The following THSD7B variants were observed in gnomAD, a reference collection of about 807,000 sequenced individuals.
The protein encoded by THSD7B is thrombospondin type 1 domain containing 7B.
In THSD7B, 138 loss-of-function variants were observed where a neutral mutation model predicts 213.6. That is an observed-to-expected ratio of 0.65 (90% CI 0.56 to 0.74). THSD7B has a LOEUF of 0.74. Among genes scored for constraint, THSD7B ranks in the 30% least tolerant of loss-of-function variants. The pLI, the probability that THSD7B is intolerant of heterozygous loss-of-function variation, is 0.00. For synonymous variants in THSD7B, 742 were observed against 687.0 expected, an observed-to-expected ratio of 1.08 and a Z score of -1.25; for missense variants, 1,931 against 1,991.5, an observed-to-expected ratio of 0.97 and a Z score of 0.58.
intron 15 of THSD7B, among the ~76,000 whole-genome samples, chr2:137,493,448 G>C (rs530931582): frequency 1.3e-5 from 2 of 152,312 alleles, no homozygotes; most frequent in South Asian, 4.1e-4. Context: ...GCTGTCTTCT[G>C]TTGTCCTAAG....
At chr2:137,375,206 TC>T (rs1426962099) in intron 12 of THSD7B, among the ~76,000 whole-genome samples, 1 of 152,092 alleles carries the variant, frequency 6.6e-6, no homozygotes, top group African/African-American at 2.4e-5. Context: ...TAAGTCAAGT[TC>T]CTGACTTAAA....
Position 137,620,677 on chromosome 2 carries a change from C to T in THSD7B, c.3750C>T (p.Leu1250=), listed in dbSNP as rs562070142. The change falls in exon 20 of 28, where the codon CTC becomes CTT. Residue 1250 remains leucine (L), a synonymous_variant. Coordinates refer to ENST00000409968, the MANE Select transcript of THSD7B (RefSeq NM_001316349.2). ...TGGAATGCGTGGTCAACTGTCAGCT[C>T]TCAGGGTGGACGGCTTGGACAGAGT... ...CLVECVVNCQ[L]SGWTAWTECS... is the part of the protein sequence containing the mutation. 42 of 1,613,984 alleles carry T rather than the reference C, an allele frequency of 2.6e-5. 1 individual carries two copies. In the South Asian group the frequency reaches 4.4e-4, roughly 17 times the overall value.
At position 137,354,281 on chromosome 2, in the gene THSD7B, CAG is replaced by C. The variant is rs1240287961; in HGVS notation, c.2501-51330_2501-51329del. Among the ~76,000 whole-genome samples, 9 of 85,916 alleles carry C rather than the reference CAG, an allele frequency of 1.0e-4. No homozygotes were observed. The Admixed American group carries it at 1.1e-3, about 11-fold the overall frequency. 56.4% of individuals were successfully genotyped at this position (85,916 alleles called of 152,430 possible). Reference sequence around the variant, plus strand: ...AATGCACAGATATGATTAATGCAGTCAGAAAAAAAACCTCTTTACTCCAGAAA... The same window carrying C: ...AATGCACAGATATGATTAATGCAGTCAAAAAAAACCTCTTTACTCCAGAAA... On this transcript the variant is annotated intron_variant, in intron 12 of 27. Coordinates refer to ENST00000409968, the MANE Select transcript of THSD7B (RefSeq NM_001316349.2).
chr2:137,357,293 T>C (rs1685154767), intron 12 of THSD7B, among the ~76,000 whole-genome samples: 1 of 152,152 alleles, frequency 6.6e-6, no homozygotes, highest in South Asian at 2.1e-4. Flanking sequence ...TCGAAACAGC[T>C]AAGCATACTC....
chr2:137,369,312 A>G (rs2889099), intron 12 of THSD7B, among the ~76,000 whole-genome samples: 30 of 151,886 alleles, frequency 2.0e-4, no homozygotes, highest in Non-Finnish European at 3.7e-4. Flanking sequence ...TGAGTTTGTT[A>G]ATTGCTGTCA....
chr2:136,986,589 C>T (rs866695265), intron 2 of THSD7B, among the ~76,000 whole-genome samples: 5 of 152,228 alleles, frequency 3.3e-5, no homozygotes, highest in South Asian at 2.1e-4. Flanking sequence ...GTAATGCACA[C>T]GGAGTAACAC....
intron 12 of THSD7B, among the ~76,000 whole-genome samples, chr2:137,368,024 A>G (rs1476216736): frequency 7.8e-6 from 1 of 127,418 alleles, no homozygotes; most frequent in Non-Finnish European, 1.7e-5. Flanking sequence ...TGAAAATGTC[A>G]GAAAGCATGA....
chr2:137,612,997 T>A (rs1430597102), intron 17 of THSD7B, among the ~76,000 whole-genome samples: 1 of 152,200 alleles, frequency 6.6e-6, no homozygotes, highest in Non-Finnish European at 1.5e-5. Flanking sequence ...TGATTATAAC[T>A]TCCTTGCTTC....
intron 15 of THSD7B, among the ~76,000 whole-genome samples, chr2:137,511,178 T>A (rs997054724): frequency 6.6e-6 from 1 of 152,192 alleles, no homozygotes; most frequent in Admixed American, 6.5e-5. Context: ...TTTATCTGTA[T>A]TTTTTATTAT....
At chr2:136,971,182 G>A (rs1192014028) in intron 2 of THSD7B, among the ~76,000 whole-genome samples, 1 of 152,130 alleles carries the variant, frequency 6.6e-6, no homozygotes, top group Non-Finnish European at 1.5e-5. Flanking sequence ...ATGTGCAACA[G>A]GCCCAAAAAA....
At chr2:137,361,711 C>A (rs559815035) in intron 12 of THSD7B, among the ~76,000 whole-genome samples, 1 of 152,254 alleles carries the variant, frequency 6.6e-6, no homozygotes, top group South Asian at 2.1e-4. Context: ...TGAACAAACT[C>A]TCCAAGAAAT....
At position 137,165,502 on chromosome 2, in the gene THSD7B, T is replaced by C. The variant is rs115240870; in HGVS notation, c.1525+5134T>C. On this transcript the variant is annotated intron_variant, in intron 6 of 27. Coordinates refer to ENST00000409968, the MANE Select transcript of THSD7B (RefSeq NM_001316349.2). Reference sequence around the variant, plus strand: ...ATTAGGTCTGAGATCCCCCTCAGTCTTGGTGTCTGTCCCATGATTCTACTG... The same window carrying C: ...ATTAGGTCTGAGATCCCCCTCAGTCCTGGTGTCTGTCCCATGATTCTACTG... 4.6e-3 allele frequency among the ~76,000 whole-genome samples: 702 copies of C among 152,252 alleles called. 8 individuals are homozygous for C. The highest frequency in any genetic ancestry group is 0.016 in the African/African-American group (658 of 41,556).
At chr2:136,821,658 C>T (rs546159421) in intron 1 of THSD7B, among the ~76,000 whole-genome samples, 1 of 152,166 alleles carries the variant, frequency 6.6e-6, no homozygotes, top group Non-Finnish European at 1.5e-5. Context: ...AGTTAGAAGA[C>T]CAGGAGCTCT....
At chr2:137,487,736 C>CTTTTTT (rs746163389) in intron 15 of THSD7B, among the ~76,000 whole-genome samples, 1 of 13,324 alleles carries the variant, frequency 7.5e-5, no homozygotes, top group African/African-American at 2.7e-4. Context: ...AGGTTTCTTT[C>CTTTTTT]TTTTTTTTTT....
rs114938236 is a variant in THSD7B at position 137,213,969 on chromosome 2, G to A, written c.1724-17075G>A. On this transcript the variant is annotated intron_variant, in intron 7 of 27. Transcript: ENST00000409968. The stretch of plus-strand genomic sequence containing the variant: ...TACTGTGTTAGGATAGAGTTCTCAC[G>A]TTCAGAAGCCATGAAGCCATAGGTA... 3.7e-3 allele frequency among the ~76,000 whole-genome samples: 565 copies of A among 152,062 alleles called. 5 individuals are homozygous for A. The highest frequency in any genetic ancestry group is 0.013 in the African/African-American group (532 of 41,480).
At chr2:137,236,238 G>T (rs77568524) in intron 9 of THSD7B, among the ~76,000 whole-genome samples, 11 of 152,166 alleles carry the variant, frequency 7.2e-5, no homozygotes, top group Non-Finnish European at 1.6e-4. Context: ...AGAGAAGGAC[G>T]CATGTCTCCA....
intron 25 of THSD7B, among the ~76,000 whole-genome samples, chr2:137,663,063 T>TAAA (rs60772441): frequency 3.3e-4 from 41 of 122,644 alleles, no homozygotes; most frequent in South Asian, 7.6e-4. Context: ...AAACTCCATC[T>TAAA]AAAAAAAAAA....
rs531136165 is a variant in THSD7B, at chr2:137,189,352, C to G, written c.1723+18414C>G. ...AAAGTTAACAACAACAACAAAAATC[C>G]CCCTGTATACATAGGCCCTGTAACA... On this transcript the variant is annotated intron_variant, in intron 7 of 27. Coordinates refer to ENST00000409968, the MANE Select transcript of THSD7B (RefSeq NM_001316349.2). 2.6e-5 allele frequency among the ~76,000 whole-genome samples: 4 copies of G among 152,236 alleles called. No homozygotes were observed. In the South Asian group the frequency reaches 8.3e-4, roughly 32 times the overall value.
chr2:137,140,682 C>T (rs1011798885), intron 5 of THSD7B, among the ~76,000 whole-genome samples: 2 of 151,946 alleles, frequency 1.3e-5, no homozygotes, highest in Non-Finnish European at 2.9e-5. Flanking sequence ...ATTTATTCAT[C>T]GAACAAATAC....
Sources: gnomAD v4.1 joint callset for allele counts (sites outside exome capture counted in the v4.1 genomes callset) on GRCh38, gnomAD v4.1.1 for gene constraint, MANE v1.5 for transcripts, NCBI Gene and HGNC (gene_info 2026-07-23, HGNC 2026-07-21) for gene names.